The following MAT1A variants were observed in gnomAD, a reference collection of about 807,000 sequenced individuals.
MAT1A encodes the protein methionine adenosyltransferase 1A, also known as S-adenosylmethionine synthase isoform type-1.
A neutral mutation model predicts 44.0 loss-of-function variants in MAT1A; 19 were observed. The ratio of observed to expected loss-of-function variants is 0.43; its 90% confidence interval spans 0.30 to 0.63. MAT1A has a LOEUF of 0.63. Ranked by LOEUF, MAT1A falls within the 30% of genes least tolerant of loss-of-function variation. The pLI is 0.12. For missense variants in MAT1A, 397 were observed against 531.0 expected (o/e 0.75, Z 2.48); for synonymous variants, 205 against 205.6 (o/e 1.00, Z 0.03).
In MAT1A at chr10:80,275,109, A is replaced by T; in HGVS notation, c.859T>A (p.Tyr287Asn). The change falls in exon 7 of 9, where the codon TAC (tyrosine) becomes AAC (asparagine). Residue 287 changes from tyrosine to asparagine, a missense_variant. Coordinates refer to ENST00000372213, the MANE Select transcript of MAT1A (RefSeq NM_000429.3). ...HGGGAFSGKD[Y>N]TKVDRSAAYA... ...GCAGCTGAGCGGTCTACCTTGGTGT[A>T]GTCCTTCCCAGAGAAGGCCCCACCA... The T allele has an allele frequency of 6.2e-7, 1 of 1,609,768 alleles. No homozygotes were observed. The highest frequency in any genetic ancestry group is 8.5e-7 in the Non-Finnish European group (1 of 1,178,188).
rs1296512337 is a variant in MAT1A at position 80,287,844 on chromosome 10, C to G, written c.91+1489G>C. On this transcript the variant is annotated intron_variant, in intron 1 of 8. Coordinates refer to ENST00000372213, the MANE Select transcript of MAT1A (RefSeq NM_000429.3). ...GTCACATAAAAAACTCAATTCAATT[C>G]AAGGTTTTTCAACAGCTGCACTATT... 2.0e-5 allele frequency among the ~76,000 whole-genome samples: 3 copies of G among 152,172 alleles called. No individual in the cohort carries two copies. The East Asian group carries it at 5.8e-4, about 29-fold the overall frequency.
In MAT1A at chr10:80,274,617, T is replaced by TG; in HGVS notation, c.987dup (p.Ile330HisfsTer22). ...GAGGTTCCGTAGGTGAAGATGGAAA[T>TG]GGACAGCGGCTCGGCCACACCAATG... is the stretch of plus-strand genomic sequence containing the variant. On this transcript the variant is annotated frameshift_variant, in exon 8 of 9. Transcript: ENST00000372213. LOFTEE classifies it high-confidence loss of function. The TG allele has an allele frequency of 6.2e-7, 1 of 1,614,158 alleles. No individual in the cohort carries two copies. The highest frequency in any genetic ancestry group is 8.5e-7 in the Non-Finnish European group (1 of 1,180,032).
At position 80,280,212 on chromosome 10, in the gene MAT1A, G is replaced by A. The variant is rs763409751; in HGVS notation, c.510C>T (p.Ser170=). The A allele has an allele frequency of 2.8e-5, 45 of 1,613,952 alleles. 1 individual carries two copies. Among genetic ancestry groups the A allele is most frequent in the East Asian group, 2.5e-4 (11 of 44,864 alleles). Residue 170 remains serine (S), a synonymous_variant, in exon 5 of 9, where the codon TCC becomes TCT. Coordinates refer to ENST00000372213, the MANE Select transcript of MAT1A (RefSeq NM_000429.3). ...CAGGCCGCAGCCAGGGGAGGAGGCCGGAGCGCCTGAGGTCTGCCATCCGGG... is the reference window on the plus strand; with the variant it reads ...CAGGCCGCAGCCAGGGGAGGAGGCCAGAGCGCCTGAGGTCTGCCATCCGGG... ...LNARMADLRR[S]GLLPWLRPDS...
chr10:80,276,356 G>A lies in MAT1A; in HGVS notation c.768+20C>T, dbSNP rs764919108. On this transcript the variant is annotated intron_variant, in intron 6 of 8. Coordinates refer to ENST00000372213, the MANE Select transcript of MAT1A (RefSeq NM_000429.3). ...AGTAACAAAGACAAACCAGGGCTTC[G>A]TTCAGAGACAAGAATGCACCTGGGG... 5.3e-5 allele frequency: 85 copies of A among 1,612,798 alleles called. No homozygotes were observed. The Middle Eastern group carries it at 1.7e-3, about 32-fold the overall frequency.
chr10:80,272,697 T>A lies in MAT1A; in HGVS notation c.*1084A>T, dbSNP rs1841426460. The A allele has an allele frequency of 6.6e-6, 1 of 152,302 alleles. No homozygotes were observed. Among genetic ancestry groups the A allele is most frequent in the Admixed American group, 6.5e-5 (1 of 15,274 alleles). 9.4% of individuals were successfully genotyped at this position (152,302 alleles called of 1,614,324 possible). A position where few individuals can be genotyped will look rare whatever the true frequency, so the allele number is the denominator to read the frequency against. On this transcript the variant is annotated 3_prime_UTR_variant, in exon 9 of 9. Transcript: ENST00000372213. ...CTGCTCCAGGAAGCCCAGATAGGAC[T>A]GGACTGGACTTAGACCACTTACCCC...
chr10:80,278,100 G>A (rs559234603), intron 5 of MAT1A, among the ~76,000 whole-genome samples: 3 of 152,338 alleles, frequency 2.0e-5, no homozygotes, highest in South Asian at 2.1e-4. Context: ...GCCAGCTGGC[G>A]AGGGGCCTCC....
chr10:80,275,030 C>T lies in MAT1A; in HGVS notation c.938G>A (p.Arg313Lys). The change falls in exon 7 of 9, where the codon AGA becomes AAA. Residue 313 changes from arginine (R) to lysine (K), a missense_variant. Transcript: ENST00000372213. ...KSLVKAGLCR[R>K]VLVQVSYAIG... ...GAGGGGGCTTACCTGGACAAGCACT[C>T]TCCGGCAGAGCCCTGCTTTCACCAG... The T allele has an allele frequency of 1.3e-6, 2 of 1,554,104 alleles. No individual in the cohort carries two copies. Among genetic ancestry groups the T allele is most frequent in the Non-Finnish European group, 1.7e-6 (2 of 1,149,400 alleles).
At chr10:80,274,724 T>G in intron 7 of MAT1A, 71 bp from the exon 8 acceptor site, 1 of 1,604,222 alleles carries the variant, frequency 6.2e-7, no homozygotes, top group Non-Finnish European at 8.5e-7. Flanking sequence ...AGCTTTGCCC[T>G]TCTTCTGAAG....
rs560158878 is a variant in MAT1A, at chr10:80,273,236, T to C, written c.*545A>G. ...AGTGAAGAAAAAACGAGATCAGTTA[T>C]TAGCTGGGTCCCTCGCACATTACAG... On this transcript the variant is annotated 3_prime_UTR_variant, in exon 9 of 9. Transcript: ENST00000372213. The C allele has an allele frequency of 1.2e-4, 20 of 167,728 alleles. No homozygotes were observed. Among genetic ancestry groups the C allele is most frequent in the Admixed American group, 1.1e-4 (2 of 17,930 alleles). 10.4% of individuals were successfully genotyped at this position (167,728 alleles called of 1,614,324 possible). A position where few individuals can be genotyped will look rare whatever the true frequency, so the allele number is the denominator to read the frequency against.
At chr10:80,284,368 T>A (rs975356192) in intron 2 of MAT1A, among the ~76,000 whole-genome samples, 1 of 152,174 alleles carries the variant, frequency 6.6e-6, no homozygotes, top group African/African-American at 2.4e-5. Context: ...TGGTTGTATG[T>A]AGCTGTCATA....
Position 80,271,988 on chromosome 10 carries a change from G to A in MAT1A, c.*1793C>T, listed in dbSNP as rs1415426524. 1.3e-5 allele frequency: 2 copies of A among 152,130 alleles called. No individual in the cohort carries two copies. Among genetic ancestry groups the A allele is most frequent in the Non-Finnish European group, 2.9e-5 (2 of 68,028 alleles). The allele number at this position is 152,130 out of a possible 1,614,324, so 9.4% of individuals were successfully genotyped here. A position where few individuals can be genotyped will look rare whatever the true frequency, so the allele number is the denominator to read the frequency against. ...AGTGTGAGCCAAGTTAGAGGAACTTGGCCACCTGCAAACCACTCCCTCCCT... is the reference window on the plus strand; with the variant it reads ...AGTGTGAGCCAAGTTAGAGGAACTTAGCCACCTGCAAACCACTCCCTCCCT... On this transcript the variant is annotated 3_prime_UTR_variant, in exon 9 of 9. Transcript: ENST00000372213.
At chr10:80,286,601 T>C (rs1310433544) in intron 1 of MAT1A, among the ~76,000 whole-genome samples, 1 of 152,198 alleles carries the variant, frequency 6.6e-6, no homozygotes, top group African/African-American at 2.4e-5. Context: ...TCTTCCACTA[T>C]TTGCCTTAAA....
Position 80,283,898 on chromosome 10 carries a change from C to G in MAT1A, c.292+18G>C. The G allele has an allele frequency of 1.9e-6, 3 of 1,613,578 alleles. No individual in the cohort carries two copies. The highest frequency in any genetic ancestry group is 2.5e-6 in the Non-Finnish European group (3 of 1,180,036). On this transcript the variant is annotated intron_variant, in intron 3 of 8. Transcript: ENST00000372213. ...GCAGAGAGCAACAGGGATTTCAGAC[C>G]CGGAGGCCTGCCCTCACCCTTGGCT...
At position 80,280,862 on chromosome 10, in the gene MAT1A, A is replaced by G. The variant is rs1422220411; in HGVS notation, c.293-70T>C. ...GAGGGGGCCACAAACTTCCCAATGG[A>G]TGGCTCGGTTCCTGACATGCCATTT... On this transcript the variant is annotated intron_variant, in intron 3 of 8. Transcript: ENST00000372213. The G allele has an allele frequency of 4.6e-6, 5 of 1,098,574 alleles. No homozygotes were observed. In the East Asian group the frequency reaches 9.4e-5, roughly 21 times the overall value. 68.1% of individuals were successfully genotyped at this position (1,098,574 alleles called of 1,614,324 possible).
chr10:80,289,395 T>G lies in MAT1A; in HGVS notation c.29A>C (p.Asp10Ala), dbSNP rs768534725. 2 of 1,614,028 alleles carry G rather than the reference T, an allele frequency of 1.2e-6. No individual in the cohort carries two copies. ...GAAGACTCCTTCACTTAGAGAGTGG[T>G]CACACAAGCCATCCACCGGTCCATT... Reference protein sequence around the residue: MNGPVDGLCDHSLSEGVFMF... With the variant: MNGPVDGLCAHSLSEGVFMF... Residue 10 changes from aspartate to alanine, a missense_variant, in exon 1 of 9, where the codon GAC becomes GCC. Transcript: ENST00000372213.
At chr10:80,283,708 T>A (rs1426464465) in intron 3 of MAT1A, among the ~76,000 whole-genome samples, 3 of 152,246 alleles carry the variant, frequency 2.0e-5, no homozygotes, top group Non-Finnish European at 2.9e-5. Flanking sequence ...CAGATGGGCA[T>A]GTGCTGGGCC....
At chr10:80,274,024 C>T (rs754976273) in intron 8 of MAT1A, 141 bp from the exon 9 acceptor site, 47 of 709,718 alleles carry the variant, frequency 6.6e-5, no homozygotes, top group South Asian at 1.7e-4. Context: ...CGCAGTTGCG[C>T]GCACCCATCC....
intron 3 of MAT1A, among the ~76,000 whole-genome samples, chr10:80,283,398 T>C (rs554637938): frequency 1.1e-4 from 17 of 152,386 alleles, no homozygotes; most frequent in African/African-American, 3.6e-4. Flanking sequence ...GCACCAGTTC[T>C]GGACTGAGTC....
rs1162560522 is a variant in MAT1A at position 80,274,648 on chromosome 10, G to A, written c.957C>T (p.Ser319=). Residue 319 remains serine, a synonymous_variant, in exon 8 of 9, where the codon TCC becomes TCT. Coordinates refer to ENST00000372213, the MANE Select transcript of MAT1A (RefSeq NM_000429.3). ...GCGGCTCGGCCACACCAATGGCATAGGAAACCTTCCAGCAAGGTGCAGCGT... is the reference window on the plus strand; with the variant it reads ...GCGGCTCGGCCACACCAATGGCATAAGAAACCTTCCAGCAAGGTGCAGCGT... The part of the protein sequence containing the change: ...GLCRRVLVQV[S]YAIGVAEPLS... 6.2e-7 allele frequency: 1 copy of A among 1,614,092 alleles called. No individual in the cohort carries two copies. Among genetic ancestry groups the A allele is most frequent in the Non-Finnish European group, 8.5e-7 (1 of 1,180,036 alleles).
Sources: allele counts gnomAD v4.1 joint callset (sites outside exome capture counted in the v4.1 genomes callset), GRCh38; gene constraint gnomAD v4.1.1; transcripts MANE v1.5; gene names NCBI Gene and HGNC (gene_info 2026-07-23, HGNC 2026-07-21).